Variants in PPP2R3A observed in about 807,000 individuals in gnomAD.
PPP2R3A encodes the protein protein phosphatase 2 regulatory subunit B''alpha, also known as serine/threonine-protein phosphatase 2A regulatory subunit B'' subunit alpha.
A neutral mutation model predicts 106.9 loss-of-function variants in PPP2R3A; 80 were observed. The observed-to-expected ratio is 0.75, with a 90% CI of 0.62 to 0.90. The LOEUF (loss-of-function observed/expected upper bound fraction) is 0.90. PPP2R3A is among the 40% of genes least tolerant of loss of function. PPP2R3A has a pLI of 0.00. For missense variants in PPP2R3A, 1,386 were observed against 1,350.4 expected (o/e 1.03, Z -0.41); for synonymous variants, 483 against 468.3 (o/e 1.03, Z -0.41).
intron 13 of PPP2R3A, among the ~76,000 whole-genome samples, chr3:136,135,576 C>G (rs542829287): frequency 2.6e-5 from 4 of 152,122 alleles, no homozygotes; most frequent in African/African-American, 9.7e-5. Flanking sequence ...GCTTAGGAGC[C>G]AGACAGATCT....
chr3:136,147,679 T>C lies in PPP2R3A; in HGVS notation c.*2513T>C, dbSNP rs2108050705. 6.6e-6 allele frequency: 1 copy of C among 152,378 alleles called. No homozygotes were observed. Among genetic ancestry groups the C allele is most frequent in the South Asian group, 2.1e-4 (1 of 4,814 alleles). 9.4% of individuals were successfully genotyped at this position (152,378 alleles called of 1,614,324 possible). A position where few individuals can be genotyped will look rare whatever the true frequency, so the allele number is the denominator to read the frequency against. ...TAATGCTAATTCAATGAGAAATGAGTTTAATAGCATAACATTACCAAGGTA... is the reference window on the plus strand; with the variant it reads ...TAATGCTAATTCAATGAGAAATGAGCTTAATAGCATAACATTACCAAGGTA... On this transcript the variant is annotated 3_prime_UTR_variant, in exon 14 of 14. Transcript: ENST00000264977.
chr3:136,114,437 C>T (rs1238456930), intron 13 of PPP2R3A, among the ~76,000 whole-genome samples: 1 of 152,006 alleles, frequency 6.6e-6, no homozygotes, highest in Non-Finnish European at 1.5e-5. Context: ...CAAGACAAAA[C>T]CATTCACTCC....
In PPP2R3A at chr3:136,003,579, G is replaced by A. The variant is rs537238471; in HGVS notation, c.1995+86G>A. The stretch of plus-strand genomic sequence containing the variant: ...TTTATAAAGAAAAACTTTTTTGTTA[G>A]CCATTTTTTGTTCTACTAAAGCTCT... On this transcript the variant is annotated intron_variant, in intron 2 of 13. Transcript: ENST00000264977. 10 of 1,299,980 alleles carry A rather than the reference G, an allele frequency of 7.7e-6. No individual in the cohort carries two copies. In the East Asian group the frequency reaches 2.2e-4, roughly 29 times the overall value. The allele number at this position is 1,299,980 out of a possible 1,614,324, so 80.5% of individuals were successfully genotyped here. A position where few individuals can be genotyped will look rare whatever the true frequency, so the allele number is the denominator to read the frequency against.
rs568771136 is a variant in PPP2R3A at position 135,995,891 on chromosome 3, C to T, written c.-440-5168C>T. On this transcript the variant is annotated intron_variant, in intron 1 of 13. Coordinates refer to ENST00000264977, the MANE Select transcript of PPP2R3A (RefSeq NM_002718.5). ...TTCGGATTCAGACTCTTTAAAATCA[C>T]TTTTCAATTTAGAGCCACCGATGTT... Among the ~76,000 whole-genome samples, 6 of 152,288 alleles carry T rather than the reference C, an allele frequency of 3.9e-5. No individual in the cohort carries two copies. The South Asian group carries it at 1.2e-3, about 32-fold the overall frequency.
intron 4 of PPP2R3A, among the ~76,000 whole-genome samples, chr3:136,048,923 G>C (rs1049755612): frequency 3.3e-5 from 5 of 152,094 alleles, no homozygotes; most frequent in African/African-American, 9.7e-5. Context: ...ACCATTGGGT[G>C]CTTGGAATAC....
intron 1 of PPP2R3A, among the ~76,000 whole-genome samples, chr3:135,978,787 A>C (rs1430729374): frequency 6.6e-6 from 1 of 151,864 alleles, no homozygotes; most frequent in East Asian, 1.9e-4. Context: ...TGGATGCTAT[A>C]ATACAAATTA....
At chr3:135,967,833 T>C (rs1937132794) in intron 1 of PPP2R3A, among the ~76,000 whole-genome samples, 1 of 152,226 alleles carries the variant, frequency 6.6e-6, no homozygotes, top group African/African-American at 2.4e-5. Context: ...CATTTGTAGT[T>C]CTGTTGACAT....
chr3:136,137,533 G>GGTTTTTTTTTTTTTTTTT (rs1559941176), intron 13 of PPP2R3A, among the ~76,000 whole-genome samples: 2 of 38,440 alleles, frequency 5.2e-5, no homozygotes, highest in African/African-American at 1.5e-4. Flanking sequence ...CTCTGTCAGA[G>GGTTTTTTTTTTTTTTTTT]ATTTTTTTTT....
Position 136,106,335 on chromosome 3 carries a change from C to T in PPP2R3A, c.3329+13C>T. Reference sequence around the variant, plus strand: ...AATTCCAGGAAGGGTGAGTAAGTTTCCCTATGTCTTATAGAATTTTTAACA... The same window carrying T: ...AATTCCAGGAAGGGTGAGTAAGTTTTCCTATGTCTTATAGAATTTTTAACA... On this transcript the variant is annotated intron_variant, in intron 13 of 13. Coordinates refer to ENST00000264977, the MANE Select transcript of PPP2R3A (RefSeq NM_002718.5). 1 of 1,606,722 alleles carries T rather than the reference C, an allele frequency of 6.2e-7. No individual in the cohort carries two copies. The highest frequency in any genetic ancestry group is 8.5e-7 in the Non-Finnish European group (1 of 1,173,628).
intron 5 of PPP2R3A, among the ~76,000 whole-genome samples, chr3:136,069,671 G>C (rs991302880): frequency 6.6e-6 from 1 of 152,160 alleles, no homozygotes; most frequent in Non-Finnish European, 1.5e-5. Flanking sequence ...TGGTATTATA[G>C]CTAACTGCTC....
At chr3:136,033,906 T>C (rs551316429) in intron 3 of PPP2R3A, among the ~76,000 whole-genome samples, 5 of 152,044 alleles carry the variant, frequency 3.3e-5, no homozygotes, top group Non-Finnish European at 7.4e-5. Context: ...TTAGTTCTGC[T>C]CTGATCCTGG....
rs1939062305 is a variant in PPP2R3A at position 136,145,108 on chromosome 3, T to A, written c.3395T>A (p.Ile1132Lys). ...GAATTTGGAAACAAAAGCAATAAAA[T>A]ATTAAGTGCAAGCCTTCCAGAGAAA... The part of the protein sequence containing the change: ...PSEFGNKSNK[I>K]LSASLPEKCG... Residue 1132 changes from isoleucine (I) to lysine (K), a missense_variant, in exon 14 of 14, where the codon ATA becomes AAA. Ile to Lys is a moderately radical substitution (Grantham distance 102). Coordinates refer to ENST00000264977, the MANE Select transcript of PPP2R3A (RefSeq NM_002718.5). 2 of 1,613,720 alleles carry A rather than the reference T, an allele frequency of 1.2e-6. No homozygotes were observed. The highest frequency in any genetic ancestry group is 1.3e-5 in the African/African-American group (1 of 74,908).
intron 12 of PPP2R3A, among the ~76,000 whole-genome samples, chr3:136,104,695 G>A (rs111379307): frequency 3.9e-5 from 6 of 152,178 alleles, no homozygotes; most frequent in African/African-American, 9.7e-5. Flanking sequence ...ATGTTAGAAG[G>A]ATAGAGATGG....
chr3:135,968,579 T>G (rs1264884604), intron 1 of PPP2R3A, among the ~76,000 whole-genome samples: 3 of 152,118 alleles, frequency 2.0e-5, no homozygotes, highest in Non-Finnish European at 4.4e-5. Flanking sequence ...GGCTGTCCAC[T>G]AAGCAGTGGT....
At chr3:136,109,137 A>G (rs940641614) in intron 13 of PPP2R3A, among the ~76,000 whole-genome samples, 1 of 152,232 alleles carries the variant, frequency 6.6e-6, no homozygotes, top group African/African-American at 2.4e-5. Flanking sequence ...GTGTAACTGA[A>G]GATGTAAAAA....
chr3:136,082,126 G>A, intron 7 of PPP2R3A, 139 bp from the exon 8 acceptor site: 1 of 625,820 alleles, frequency 1.6e-6, no homozygotes, highest in Non-Finnish European at 2.7e-6. Flanking sequence ...GTAGGATGAG[G>A]TTGCCTATTA....
chr3:136,001,429 C>A lies in PPP2R3A; in HGVS notation c.-70C>A. The A allele has an allele frequency of 7.8e-7, 1 of 1,280,882 alleles. No individual in the cohort carries two copies. The highest frequency in any genetic ancestry group is 1.4e-5 in the South Asian group (1 of 72,176). 79.3% of individuals were successfully genotyped at this position (1,280,882 alleles called of 1,614,324 possible). A position where few individuals can be genotyped will look rare whatever the true frequency, so the allele number is the denominator to read the frequency against. On this transcript the variant is annotated 5_prime_UTR_variant, in exon 2 of 14. Coordinates refer to ENST00000264977, the MANE Select transcript of PPP2R3A (RefSeq NM_002718.5). Reference sequence around the variant, plus strand: ...ATTAAATATATTTTCAGCTAACTGTCATTTAGGAGAATTTTCATGAAACAA... The same window carrying A: ...ATTAAATATATTTTCAGCTAACTGTAATTTAGGAGAATTTTCATGAAACAA...
intron 5 of PPP2R3A, among the ~76,000 whole-genome samples, chr3:136,058,030 A>G (rs1262721352): frequency 1.3e-5 from 2 of 152,220 alleles, no homozygotes; most frequent in African/African-American, 4.8e-5. Context: ...CACAATAGCC[A>G]AAATACAGAA....
At chr3:135,991,075 A>T (rs964180514) in intron 1 of PPP2R3A, among the ~76,000 whole-genome samples, 3 of 151,728 alleles carry the variant, frequency 2.0e-5, no homozygotes, top group Admixed American at 6.6e-5. Context: ...AGCCAACTAC[A>T]CTACTCTATT....
Sources: allele counts gnomAD v4.1 joint callset (sites outside exome capture counted in the v4.1 genomes callset), GRCh38; gene constraint gnomAD v4.1.1; transcripts MANE v1.5; gene names NCBI Gene and HGNC (gene_info 2026-07-23, HGNC 2026-07-21).